Variants in PNPLA3 observed in about 807,000 individuals in gnomAD.
The protein encoded by PNPLA3 is 1-acylglycerol-3-phosphate O-acyltransferase PNPLA3.
A neutral mutation model predicts 43.1 loss-of-function variants in PNPLA3; 42 were observed. The observed-to-expected ratio is 0.97, with a 90% CI of 0.76 to 1.26. PNPLA3 has a LOEUF of 1.26. Among genes scored for constraint, PNPLA3 ranks in the 50% most tolerant of loss-of-function variants. The pLI is 0.00. For missense variants in PNPLA3, 647 were observed against 621.4 expected (o/e 1.04, Z -0.44); for synonymous variants, 272 against 253.6 (o/e 1.07, Z -0.69).
intron 8 of PNPLA3, among the ~76,000 whole-genome samples, chr22:43,945,735 C>T (rs928821561): frequency 5.3e-5 from 8 of 152,230 alleles, no homozygotes; most frequent in Middle Eastern, 3.4e-3. Context: ...ATCTGTAGAC[C>T]GAGAGGCTTC....
intron 3 of PNPLA3, among the ~76,000 whole-genome samples, chr22:43,932,494 C>A (rs549591941): frequency 1.3e-5 from 2 of 152,192 alleles, no homozygotes; most frequent in Non-Finnish European, 2.9e-5. Context: ...ACACTCTGTC[C>A]CCGTGCACTG....
chr22:43,940,513 T>A (rs2050024428), intron 7 of PNPLA3, among the ~76,000 whole-genome samples: 1 of 152,190 alleles, frequency 6.6e-6, no homozygotes, highest in Admixed American at 6.5e-5. Flanking sequence ...CTGTTTCCAT[T>A]TAAAATCACA....
chr22:43,933,921 C>A (rs1374597609), intron 4 of PNPLA3, among the ~76,000 whole-genome samples: 1 of 152,188 alleles, frequency 6.6e-6, no homozygotes, highest in Admixed American at 6.5e-5. Flanking sequence ...GCTTTATAAG[C>A]AGATGAGTAG....
rs534100168 is a variant in PNPLA3 at position 43,924,980 on chromosome 22, T to C, written c.187+882T>C. The stretch of plus-strand genomic sequence containing the variant: ...CTCTCTGGGTCGCAGCCCAGCCTTC[T>C]GGGGGCTGGGTAGCCTCCCAGAAGG... On this transcript the variant is annotated intron_variant, in intron 1 of 8. Transcript: ENST00000216180. Among the ~76,000 whole-genome samples the C allele has an allele frequency of 2.6e-5, 4 of 152,218 alleles. No homozygotes were observed. The East Asian group carries it at 5.8e-4, about 22-fold the overall frequency.
chr22:43,943,081 T>C (rs1174235668), intron 7 of PNPLA3, among the ~76,000 whole-genome samples: 3 of 152,196 alleles, frequency 2.0e-5, no homozygotes, highest in Non-Finnish European at 4.4e-5. Flanking sequence ...TCTAGTCCTA[T>C]CCTACAGTTT....
chr22:43,924,367 C>T, intron 1 of PNPLA3: 1 of 454,996 alleles, frequency 2.2e-6, no homozygotes, highest in Non-Finnish European at 3.8e-6. Flanking sequence ...ATCAGGCGCC[C>T]GTGCATGAAG....
intron 2 of PNPLA3, among the ~76,000 whole-genome samples, chr22:43,927,506 A>G (rs1303493307): frequency 2.3e-5 from 3 of 129,970 alleles, no homozygotes; most frequent in South Asian, 2.8e-4. Flanking sequence ...AAAAAAAAAG[A>G]AAGACTGTTT....
intron 6 of PNPLA3, chr22:43,939,254 T>C (rs1009226614): frequency 4.7e-6 from 2 of 424,916 alleles, no homozygotes; most frequent in African/African-American, 4.3e-5. Context: ...GCACATTATT[T>C]GCTGTGGGGT....
At chr22:43,936,309 G>C (rs540892883) in intron 5 of PNPLA3, among the ~76,000 whole-genome samples, 56 of 152,290 alleles carry the variant, frequency 3.7e-4, no homozygotes, top group Admixed American at 7.2e-4. Flanking sequence ...AGGTTATCTT[G>C]GGGGGCAAGG....
chr22:43,924,208 G>A, intron 1 of PNPLA3, 110 bp downstream of exon 1: 1 of 1,229,000 alleles, frequency 8.1e-7, no homozygotes, highest in Non-Finnish European at 1.1e-6. Context: ...GGCATCGGAC[G>A]CGGACACGGC....
intron 1 of PNPLA3, 87 bp from the exon 2 acceptor site, chr22:43,926,848 A>C (rs2049925988): frequency 9.0e-7 from 1 of 1,111,952 alleles, no homozygotes; most frequent in Non-Finnish European, 1.3e-6. Context: ...TGTTGGTGGC[A>C]TCCTTGCTGT....
Position 43,924,094 on chromosome 22 carries a change from G to A in PNPLA3, c.183G>A (p.Pro61=). Residue 61 remains proline (P), a synonymous_variant, in exon 1 of 9, where the codon CCG becomes CCA. Transcript: ENST00000216180. The part of the protein sequence containing the change: ...LHCVGVLSGI[P]LEQTLQVLSD... ...GCGTCGGCGTCCTCTCCGGTATCCC[G>A]CTGGGTGCGTCTGGGGACGCTGCCC... The A allele has an allele frequency of 1.9e-6, 3 of 1,551,588 alleles. No individual in the cohort carries two copies. The highest frequency in any genetic ancestry group is 1.8e-5 in the Admixed American group (1 of 54,130).
intron 6 of PNPLA3, among the ~76,000 whole-genome samples, chr22:43,938,370 G>C (rs2050009750): frequency 6.6e-6 from 1 of 152,218 alleles, no homozygotes; most frequent in Admixed American, 6.5e-5. Flanking sequence ...AGAAATACCT[G>C]AGACTGGGTA....
Position 43,944,671 on chromosome 22 carries a change from A to G in PNPLA3, c.1113-20A>G, listed in dbSNP as rs1219950224. ...TGTCTGCCTATGTGTGTGTTTGTGT[A>G]CTTGGTCTCATCTCTGCAGACTGGT... is the stretch of plus-strand genomic sequence containing the variant. On this transcript the variant is annotated intron_variant, in intron 7 of 8. Transcript: ENST00000216180. 6.2e-7 allele frequency: 1 copy of G among 1,605,170 alleles called. No individual in the cohort carries two copies. Among genetic ancestry groups the G allele is most frequent in the East Asian group, 2.2e-5 (1 of 44,834 alleles).
chr22:43,932,393 G>A (rs1171948055), intron 3 of PNPLA3, among the ~76,000 whole-genome samples: 1 of 152,158 alleles, frequency 6.6e-6, no homozygotes, highest in African/African-American at 2.4e-5. Context: ...ATGGGTTAAA[G>A]GTCTTATCCC....
intron 1 of PNPLA3, 127 bp downstream of exon 1, chr22:43,924,225 C>A: frequency 9.0e-7 from 1 of 1,106,940 alleles, no homozygotes; most frequent in Non-Finnish European, 1.2e-6. Flanking sequence ...CGGCGGGGTG[C>A]ATCCCGAGGG....
rs781397822 is a variant in PNPLA3 at position 43,927,136 on chromosome 22, C to T, written c.389C>T (p.Ser130Phe). 1 of 1,614,208 alleles carries T rather than the reference C, an allele frequency of 6.2e-7. No homozygotes were observed. Among genetic ancestry groups the T allele is most frequent in the Non-Finnish European group, 8.5e-7 (1 of 1,180,034 alleles). Residue 130 changes from serine (S) to phenylalanine (F), a missense_variant, in exon 2 of 9, where the codon TCT becomes TTT. Transcript: ENST00000216180. Reference sequence around the variant, plus strand: ...TCTGATGGGGAAAACGTTCTGGTGTCTGACTTTCGGTCCAAAGACGAAGTC... The same window carrying T: ...TCTGATGGGGAAAACGTTCTGGTGTTTGACTTTCGGTCCAAAGACGAAGTC... ...RVSDGENVLV[S>F]DFRSKDEVVD... is the part of the protein sequence containing the mutation.
At chr22:43,925,742 G>A (rs1467631402) in intron 1 of PNPLA3, among the ~76,000 whole-genome samples, 2 of 152,196 alleles carry the variant, frequency 1.3e-5, no homozygotes, top group African/African-American at 2.4e-5. Flanking sequence ...ACCGCCACAT[G>A]ATCATTTGCA....
intron 5 of PNPLA3, 151 bp from the exon 6 acceptor site, chr22:43,936,900 A>G (rs1457343447): frequency 3.0e-6 from 2 of 658,156 alleles, no homozygotes; most frequent in Non-Finnish European, 2.7e-6. Flanking sequence ...GGTGACAAAC[A>G]CCTGTGCTCG....
Sources: gnomAD v4.1 joint callset for allele counts (sites outside exome capture counted in the v4.1 genomes callset) on GRCh38, gnomAD v4.1.1 for gene constraint, MANE v1.5 for transcripts, NCBI Gene and HGNC (gene_info 2026-07-23, HGNC 2026-07-21) for gene names.